The following PAPSS1 variants were observed in gnomAD, a reference collection of about 807,000 sequenced individuals.
The protein encoded by PAPSS1 is bifunctional 3'-phosphoadenosine 5'-phosphosulfate synthase 1.
PAPSS1 carries 50 observed loss-of-function variants against 72.0 expected under a neutral mutation model. The ratio of observed to expected loss-of-function variants is 0.69; its 90% CI spans 0.55 to 0.88. The LOEUF is 0.88. PAPSS1 is among the 40% of genes least tolerant of loss of function. PAPSS1 has a pLI of 0.00. For synonymous variants in PAPSS1, 261 were observed against 263.6 expected (o/e 0.99, Z 0.09); for missense variants, 657 against 782.2 (o/e 0.84, Z 1.91).
chr4:107,705,698 G>C (rs1723323652), intron 1 of PAPSS1, among the ~76,000 whole-genome samples: 1 of 152,178 alleles, frequency 6.6e-6, no homozygotes, highest in South Asian at 2.1e-4. Flanking sequence ...TCATACCGGA[G>C]ATATAAATTA....
intron 2 of PAPSS1, among the ~76,000 whole-genome samples, chr4:107,700,677 A>C (rs2125936546): frequency 6.6e-6 from 1 of 152,326 alleles, no homozygotes; most frequent in African/African-American, 2.4e-5. Context: ...CTGTGAGTTC[A>C]ATCTTTTGCT....
chr4:107,666,717 TC>T (rs1322125338), intron 5 of PAPSS1, among the ~76,000 whole-genome samples: 1 of 152,244 alleles, frequency 6.6e-6, no homozygotes, highest in East Asian at 1.9e-4. Context: ...TTCAGAAGAG[TC>T]TCTCCAAAGG....
intron 1 of PAPSS1, among the ~76,000 whole-genome samples, chr4:107,711,524 A>C (rs773945950): frequency 1.8e-4 from 27 of 152,344 alleles, no homozygotes; most frequent in Non-Finnish European, 2.9e-4. Context: ...GAAATGTATA[A>C]AGACACAAAG....
rs1206415650 is a variant in PAPSS1, at chr4:107,644,988, T to C, written c.1320A>G (p.Leu440=). ...LLMQDTHKQL[L]ERGYRRPVLL... Reference sequence around the variant, plus strand: ...GGACAGGGCGCCGGTAGCCCCTCTCTAGAAGTTGCTTATGGGTATCCTGCA... The same window carrying C: ...GGACAGGGCGCCGGTAGCCCCTCTCCAGAAGTTGCTTATGGGTATCCTGCA... The change falls in exon 10 of 12, where the codon CTA becomes CTG. Residue 440 remains leucine (L), a synonymous_variant. Transcript: ENST00000265174. 1 of 1,612,982 alleles carries C rather than the reference T, an allele frequency of 6.2e-7. No homozygotes were observed. Among genetic ancestry groups the C allele is most frequent in the African/African-American group, 1.3e-5 (1 of 74,908 alleles).
intron 9 of PAPSS1, among the ~76,000 whole-genome samples, chr4:107,652,426 T>C (rs969092391): frequency 6.6e-6 from 1 of 152,182 alleles, no homozygotes; most frequent in Non-Finnish European, 1.5e-5. Flanking sequence ...AAAGACCTAA[T>C]AGCAGGAAAT....
intron 3 of PAPSS1, among the ~76,000 whole-genome samples, chr4:107,693,380 C>T (rs1047491587): frequency 5.9e-5 from 9 of 152,124 alleles, no homozygotes; most frequent in South Asian, 2.1e-4. Context: ...CTAAGAACAA[C>T]GAATTCTGAG....
At chr4:107,706,747 G>A (rs185693350) in intron 1 of PAPSS1, among the ~76,000 whole-genome samples, 1 of 152,112 alleles carries the variant, frequency 6.6e-6, no homozygotes, top group African/African-American at 2.4e-5. Flanking sequence ...TCCAGTCTTT[G>A]TAGACTGGCT....
chr4:107,659,142 CCTT>C (rs1727098845), intron 6 of PAPSS1, among the ~76,000 whole-genome samples: 1 of 152,166 alleles, frequency 6.6e-6, no homozygotes, highest in Non-Finnish European at 1.5e-5. Flanking sequence ...TGTAGTTCTC[CCTT>C]CTTGTCACTC....
intron 9 of PAPSS1, among the ~76,000 whole-genome samples, chr4:107,652,668 A>G (rs1265867364): frequency 1.3e-5 from 2 of 152,188 alleles, no homozygotes; most frequent in Non-Finnish European, 2.9e-5. Context: ...ACATGATAAA[A>G]GTTCCGTTGT....
intron 11 of PAPSS1, among the ~76,000 whole-genome samples, chr4:107,620,752 G>A (rs1725933252): frequency 6.6e-6 from 1 of 152,204 alleles, no homozygotes; most frequent in Admixed American, 6.5e-5. Context: ...CTGAGATTGA[G>A]AAACCCTGCT....
intron 10 of PAPSS1, among the ~76,000 whole-genome samples, chr4:107,634,105 C>T (rs1726296941): frequency 6.6e-6 from 1 of 151,916 alleles, no homozygotes. Context: ...GCAGGTTCAG[C>T]CTCCCGGGCT....
chr4:107,681,366 C>A (rs1722596797), intron 5 of PAPSS1, among the ~76,000 whole-genome samples: 1 of 152,124 alleles, frequency 6.6e-6, no homozygotes, highest in African/African-American at 2.4e-5. Context: ...AACTATGTGA[C>A]CCTCCAATGA....
chr4:107,693,099 C>T (rs573155761), intron 3 of PAPSS1, among the ~76,000 whole-genome samples: 62 of 152,058 alleles, frequency 4.1e-4, no homozygotes, highest in African/African-American at 1.4e-3. Context: ...CACACGTTTA[C>T]CAATTTAACA....
intron 10 of PAPSS1, among the ~76,000 whole-genome samples, chr4:107,642,892 T>C (rs1024997449): frequency 4.6e-5 from 7 of 152,198 alleles, no homozygotes; most frequent in African/African-American, 1.4e-4. Flanking sequence ...AATCTACTAA[T>C]GCTCAACAAA....
chr4:107,677,921 CA>C (rs1344013143), intron 5 of PAPSS1, among the ~76,000 whole-genome samples: 2 of 152,034 alleles, frequency 1.3e-5, no homozygotes, highest in African/African-American at 4.8e-5. Flanking sequence ...TCATTCTCAG[CA>C]AACTATCGCA....
At chr4:107,672,364 A>T (rs142647662) in intron 5 of PAPSS1, among the ~76,000 whole-genome samples, 1 of 152,190 alleles carries the variant, frequency 6.6e-6, no homozygotes, top group African/African-American at 2.4e-5. Context: ...GGTCACTCCC[A>T]CCCTAATGCC....
intron 1 of PAPSS1, chr4:107,719,778 T>G: frequency 2.6e-6 from 3 of 1,148,994 alleles, no homozygotes; most frequent in Non-Finnish European, 3.2e-6. Flanking sequence ...CAGCCGCAGG[T>G]TTCAGCACCC....
intron 5 of PAPSS1, among the ~76,000 whole-genome samples, chr4:107,668,472 T>C (rs1727378334): frequency 6.6e-6 from 1 of 152,122 alleles, no homozygotes; most frequent in South Asian, 2.1e-4. Context: ...GTGAGGGCGT[T>C]GCCAAAGGAG....
intron 5 of PAPSS1, among the ~76,000 whole-genome samples, chr4:107,676,289 C>T (rs1267152356): frequency 2.4e-4 from 37 of 152,138 alleles, no homozygotes; most frequent in Middle Eastern, 3.4e-3. Context: ...AAAACCCCAT[C>T]GTCTCAGCCC....
Sources: allele counts gnomAD v4.1 joint callset (sites outside exome capture counted in the v4.1 genomes callset), GRCh38; gene constraint gnomAD v4.1.1; transcripts MANE v1.5; gene names NCBI Gene and HGNC (gene_info 2026-07-23, HGNC 2026-07-21).